Variants in SLC4A9 observed in about 807,000 individuals in gnomAD.
The protein encoded by SLC4A9 is anion exchange protein 4.
A neutral mutation model predicts 103.2 loss-of-function variants in SLC4A9; 102 were observed. That is an observed-to-expected ratio of 0.99 (90% CI 0.84 to 1.17). The LOEUF (loss-of-function observed/expected upper bound fraction) is 1.17. SLC4A9 is among the 50% of genes most tolerant of loss of function. SLC4A9 has a pLI of 0.00. For synonymous variants in SLC4A9, 453 were observed against 483.6 expected (o/e 0.94, Z 0.83); for missense variants, 1,091 against 1,193.7 (o/e 0.91, Z 1.27).
Position 140,368,765 on chromosome 5 carries a change from A to G in SLC4A9, c.2427+106A>G, listed in dbSNP as rs1768276827. 8 of 869,842 alleles carry G rather than the reference A, an allele frequency of 9.2e-6. 1 individual carries two copies. In the Admixed American group the frequency reaches 1.9e-4, roughly 21 times the overall value. The allele number at this position is 869,842 out of a possible 1,614,324, so 53.9% of individuals were successfully genotyped here. On this transcript the variant is annotated intron_variant, in intron 17 of 21. Transcript: ENST00000506757. ...TTACAGTGTGCCAGGTGCTCTGTTA[A>G]GTTTTCTCCATACATGGTCTCATTT...
In SLC4A9 at chr5:140,364,613, C is replaced by G. The variant is rs77291049; in HGVS notation, c.1639C>G (p.Pro547Ala). The G allele has an allele frequency of 2.5e-6, 4 of 1,600,592 alleles. No homozygotes were observed. Among genetic ancestry groups the G allele is most frequent in the East Asian group, 2.3e-5 (1 of 44,440 alleles). ...TGCCTACGGGTGCCTCTGCCAATAC[C>G]CAGGCCCAGGAGGTGGGTAAGGGAA... Reference protein sequence around the residue: ...SSAYGCLCQYPGPGGNESQWI... With the variant: ...SSAYGCLCQYAGPGGNESQWI... The change falls in exon 11 of 22, where the codon CCA (proline) becomes GCA (alanine). Residue 547 changes from proline (P) to alanine (A), a missense_variant. Physicochemically the swap from Pro to Ala is conservative, Grantham distance 27 (BLOSUM62 -1). Coordinates refer to ENST00000506757, the MANE Select transcript of SLC4A9 (RefSeq NM_031467.3).
In SLC4A9 at chr5:140,375,057, G is replaced by C. The variant is rs191338793; in HGVS notation, c.*276G>C. On this transcript the variant is annotated 3_prime_UTR_variant, in exon 22 of 22. Transcript: ENST00000506757. Reference sequence around the variant, plus strand: ...CTGTCCTCACAGATTCTGTTTGACAGAATCTAAGGGCCATCAGGGAACTCT... The same window carrying C: ...CTGTCCTCACAGATTCTGTTTGACACAATCTAAGGGCCATCAGGGAACTCT... The C allele has an allele frequency of 3.2e-4, 48 of 152,238 alleles. 1 individual carries two copies. The highest frequency in any genetic ancestry group is 1.0e-3 in the African/African-American group (42 of 41,532). 9.4% of individuals were successfully genotyped at this position (152,238 alleles called of 1,614,324 possible).
At chr5:140,370,621 C>T (rs775284734) in intron 17 of SLC4A9, among the ~76,000 whole-genome samples, 1 of 152,062 alleles carries the variant, frequency 6.6e-6, no homozygotes. Context: ...TCAATGAAGA[C>T]CTTTCAGGGT....
At chr5:140,361,209 G>A in intron 2 of SLC4A9, 45 bp from the exon 3 acceptor site, 1 of 1,485,702 alleles carries the variant, frequency 6.7e-7, no homozygotes, top group Non-Finnish European at 9.2e-7. Flanking sequence ...AGAGTGTGCG[G>A]CAGGGAACTC....
Position 140,363,974 on chromosome 5 carries a change from T to C in SLC4A9, c.1254+72T>C. 2 of 1,569,318 alleles carry C rather than the reference T, an allele frequency of 1.3e-6. No individual in the cohort carries two copies. The highest frequency in any genetic ancestry group is 1.7e-6 in the Non-Finnish European group (2 of 1,156,340). On this transcript the variant is annotated intron_variant, in intron 9 of 21. Transcript: ENST00000506757. This position sits in a 1 kb window ranked among gnomAD's most constrained non-coding sequence, Gnocchi z 4.5. ...CCATCCCTTCCCCTGGGACTATGGGTAAGTTAAGGAGGCTCTCCCAAAGCT... is the reference window on the plus strand; with the variant it reads ...CCATCCCTTCCCCTGGGACTATGGGCAAGTTAAGGAGGCTCTCCCAAAGCT...
At chr5:140,369,300 A>C (rs923071742) in intron 17 of SLC4A9, among the ~76,000 whole-genome samples, 1 of 152,050 alleles carries the variant, frequency 6.6e-6, no homozygotes, top group African/African-American at 2.4e-5. Context: ...AAACAAAAAA[A>C]AACCAAAAAA....
chr5:140,372,897 G>C (rs1377277233), intron 21 of SLC4A9, 54 bp downstream of exon 21: 3 of 1,130,928 alleles, frequency 2.7e-6, no homozygotes, highest in Non-Finnish European at 3.7e-6. Flanking sequence ...TGCGGGTTCA[G>C]ACCTTGGAAC....
intron 12 of SLC4A9, 24 bp from the exon 13 acceptor site, chr5:140,365,810 C>T (rs1236617480): frequency 1.9e-6 from 3 of 1,605,186 alleles, no homozygotes; most frequent in South Asian, 1.1e-5. Flanking sequence ...CCTATAACTC[C>T]ACTCCTGACC....
chr5:140,363,189 G>A lies in SLC4A9; in HGVS notation c.962+123G>A. 1 of 1,306,268 alleles carries A rather than the reference G, an allele frequency of 7.7e-7. No homozygotes were observed. Among genetic ancestry groups the A allele is most frequent in the Non-Finnish European group, 1.1e-6 (1 of 950,074 alleles). The allele number at this position is 1,306,268 out of a possible 1,614,324, so 80.9% of individuals were successfully genotyped here. A position where few individuals can be genotyped will look rare whatever the true frequency, so the allele number is the denominator to read the frequency against. ...GGACCTATCTTTGGATTTGGAGTCAGGCAGACCTAACTCTGAGTTCTGCTG... is the reference window on the plus strand; with the variant it reads ...GGACCTATCTTTGGATTTGGAGTCAAGCAGACCTAACTCTGAGTTCTGCTG... On this transcript the variant is annotated intron_variant, in intron 7 of 21. Coordinates refer to ENST00000506757, the MANE Select transcript of SLC4A9 (RefSeq NM_031467.3). The surrounding 1 kb of genome is among the most constrained non-coding windows in gnomAD (Gnocchi z 4.5).
intron 19 of SLC4A9, among the ~76,000 whole-genome samples, chr5:140,371,827 T>C (rs1171362946): frequency 6.6e-6 from 1 of 152,246 alleles, no homozygotes; most frequent in Non-Finnish European, 1.5e-5. Flanking sequence ...ATTCACCTCT[T>C]TTCCCAACCT....
chr5:140,372,907 C>A, intron 21 of SLC4A9, 64 bp downstream of exon 21: 1 of 987,366 alleles, frequency 1.0e-6, no homozygotes, highest in Non-Finnish European at 1.5e-6. Context: ...GACCTTGGAA[C>A]TCTCCAGTGT....
rs2126761712 is a variant in SLC4A9, at chr5:140,364,643, G to C, written c.1651+18G>C. 2 of 1,594,522 alleles carry C rather than the reference G, an allele frequency of 1.3e-6. No individual in the cohort carries two copies. Among genetic ancestry groups the C allele is most frequent in the East Asian group, 2.3e-5 (1 of 44,146 alleles). On this transcript the variant is annotated intron_variant, in intron 11 of 21. Coordinates refer to ENST00000506757, the MANE Select transcript of SLC4A9 (RefSeq NM_031467.3). Reference sequence around the variant, plus strand: ...CCCAGGAGGTGGGTAAGGGAAACAGGGACCTTGGTCAGGTGAAGAAGGATG... The same window carrying C: ...CCCAGGAGGTGGGTAAGGGAAACAGCGACCTTGGTCAGGTGAAGAAGGATG...
chr5:140,364,230 G>A, intron 10 of SLC4A9, 43 bp downstream of exon 10: 3 of 1,570,442 alleles, frequency 1.9e-6, no homozygotes, highest in South Asian at 1.2e-5. Context: ...CTAGTGCCAT[G>A]GTCAGCCTGC....
In SLC4A9 at chr5:140,364,590, C is replaced by G. The variant is rs747644507; in HGVS notation, c.1616C>G (p.Ala539Gly). ...TYPIQKPGSS[A>G]YGCLCQYPGP... The stretch of plus-strand genomic sequence containing the variant: ...CCTATCCAGAAGCCTGGGTCCTCTG[C>G]CTACGGGTGCCTCTGCCAATACCCA... Residue 539 changes from alanine to glycine, a missense_variant, in exon 11 of 22, where the codon GCC becomes GGC. Physicochemically the swap from Ala to Gly is moderately conservative, Grantham distance 60 (BLOSUM62 0). Transcript: ENST00000506757. 4 of 1,601,104 alleles carry G rather than the reference C, an allele frequency of 2.5e-6. No individual in the cohort carries two copies. The Admixed American group carries it at 5.2e-5, about 21-fold the overall frequency.
intron 14 of SLC4A9, 93 bp from the exon 15 acceptor site, chr5:140,367,327 G>C (rs745328378): frequency 1.9e-5 from 27 of 1,442,796 alleles, no homozygotes; most frequent in Non-Finnish European, 2.3e-5. Context: ...TTGGGGTGGG[G>C]GCAGGTTGTG....
chr5:140,367,347 C>A, intron 14 of SLC4A9, 73 bp from the exon 15 acceptor site: 1 of 1,522,312 alleles, frequency 6.6e-7, no homozygotes, highest in South Asian at 1.3e-5. Flanking sequence ...GGAAGAATGC[C>A]AAGGTTGAGA....
chr5:140,366,313 A>G, intron 14 of SLC4A9, 49 bp downstream of exon 14: 2 of 1,330,996 alleles, frequency 1.5e-6, no homozygotes, highest in East Asian at 2.5e-5. Flanking sequence ...AAGCAGGGCC[A>G]GCAGACCATG....
intron 10 of SLC4A9, 55 bp downstream of exon 10, chr5:140,364,242 C>A: frequency 6.4e-7 from 1 of 1,572,906 alleles, no homozygotes; most frequent in South Asian, 1.2e-5. Context: ...TCAGCCTGCT[C>A]CTGGCTGGGT....
intron 12 of SLC4A9, 41 bp downstream of exon 12, chr5:140,365,619 G>A (rs971964593): frequency 1.0e-5 from 16 of 1,592,820 alleles, no homozygotes; most frequent in Admixed American, 1.7e-5. Flanking sequence ...AGGAAAGGGT[G>A]GAGACCAAGG....
Sources: gnomAD v4.1 joint callset for allele counts (sites outside exome capture counted in the v4.1 genomes callset) on GRCh38, gnomAD v4.1.1 for gene constraint, Gnocchi (gnomAD v3.1) non-coding constraint, MANE v1.5 for transcripts, NCBI Gene and HGNC (gene_info 2026-07-23, HGNC 2026-07-21) for gene names.